The following SNX29 variants were observed in gnomAD, a reference collection of about 807,000 sequenced individuals.
SNX29 encodes the protein sorting nexin-29.
A neutral mutation model predicts 102.1 loss-of-function variants in SNX29; 78 were observed. That is an observed-to-expected ratio of 0.76 (90% CI 0.64 to 0.92). The LOEUF (loss-of-function observed/expected upper bound fraction) is 0.92. Ranked by LOEUF, SNX29 falls within the 40% of genes least tolerant of loss-of-function variation. The pLI is 0.00. For synonymous variants in SNX29, 580 were observed against 414.5 expected, an observed-to-expected ratio of 1.40 and a Z score of -4.85; for missense variants, 1,280 against 1,061.7, an observed-to-expected ratio of 1.21 and a Z score of -2.86.
At chr16:12,191,246 G>A (rs830708) in intron 13 of SNX29, among the ~76,000 whole-genome samples, 85,881 of 151,948 alleles carry the variant, frequency 0.57, 28,985 homozygotes, top group Non-Finnish European at 0.73. Flanking sequence ...CTTGCTCACC[G>A]CTCACTCACC....
chr16:12,467,650 TCATTC>T (rs1290617676), intron 18 of SNX29, among the ~76,000 whole-genome samples: 1 of 119,992 alleles, frequency 8.3e-6, no homozygotes, highest in Non-Finnish European at 1.7e-5. Context: ...ATTCATTCAT[TCATTC>T]CATTCACTCA....
chr16:12,371,335 G>A (rs1164359129), intron 16 of SNX29, among the ~76,000 whole-genome samples: 1 of 150,286 alleles, frequency 6.7e-6, no homozygotes, highest in African/African-American at 2.5e-5. Context: ...GTCTTTCTCT[G>A]TCCCTCAGGC....
chr16:12,315,296 G>C (rs2080696006), intron 15 of SNX29, among the ~76,000 whole-genome samples: 1 of 152,152 alleles, frequency 6.6e-6, no homozygotes, highest in South Asian at 2.1e-4. Context: ...CCAGGGATGA[G>C]TATTTTTCTT....
intron 11 of SNX29, chr16:12,087,953 T>A (rs1263803015): frequency 1.3e-5 from 6 of 456,668 alleles, no homozygotes; most frequent in Non-Finnish European, 2.6e-5. Flanking sequence ...GGAGGACCTG[T>A]TGGGCAGTGG....
chr16:12,062,377 AAAAT>A (rs34207508), intron 9 of SNX29, among the ~76,000 whole-genome samples: 2,284 of 137,682 alleles, frequency 0.017, 45 homozygotes, highest in African/African-American at 0.048. Flanking sequence ...ACTCTGTCTC[AAAAT>A]AAATAAATAA....
chr16:12,453,221 G>T (rs1437169818), intron 18 of SNX29, among the ~76,000 whole-genome samples: 1 of 152,206 alleles, frequency 6.6e-6, no homozygotes, highest in Non-Finnish European at 1.5e-5. Flanking sequence ...ACCTGTCCAT[G>T]GCAGACGTGG....
intron 16 of SNX29, among the ~76,000 whole-genome samples, chr16:12,392,299 G>A (rs2083558575): frequency 6.6e-6 from 1 of 152,082 alleles, no homozygotes; most frequent in African/African-American, 2.4e-5. Context: ...AAGTGGTATT[G>A]CAACAAATGT....
chr16:12,097,397 G>A (rs1343471679), intron 11 of SNX29, among the ~76,000 whole-genome samples: 1 of 152,212 alleles, frequency 6.6e-6, no homozygotes, highest in Non-Finnish European at 1.5e-5. Flanking sequence ...TTTTGAAGGG[G>A]CTGTATTTCA....
chr16:12,087,041 T>G (rs934949249), intron 11 of SNX29: 1 of 152,044 alleles, frequency 6.6e-6, no homozygotes. Flanking sequence ...TCATAACACT[T>G]AAAACTGATA....
chr16:12,546,975 C>T (rs1010941902), intron 20 of SNX29, among the ~76,000 whole-genome samples: 4 of 152,182 alleles, frequency 2.6e-5, no homozygotes, highest in African/African-American at 7.2e-5. Context: ...CCCATTCCTC[C>T]AATTAGTACT....
chr16:12,537,760 G>GGTTT (rs1346797910), intron 20 of SNX29, among the ~76,000 whole-genome samples: 2 of 151,984 alleles, frequency 1.3e-5, no homozygotes, highest in Admixed American at 6.6e-5. Flanking sequence ...TCCTATGTGG[G>GGTTT]GTTTGTTTAA....
intron 14 of SNX29, among the ~76,000 whole-genome samples, chr16:12,228,217 C>T (rs1342014659): frequency 3.9e-5 from 6 of 152,370 alleles, no homozygotes; most frequent in East Asian, 1.9e-4. Flanking sequence ...GAAATGTTCT[C>T]GGTCTCTGTA....
chr16:12,277,712 C>T (rs186491852), intron 14 of SNX29, among the ~76,000 whole-genome samples: 12 of 152,140 alleles, frequency 7.9e-5, no homozygotes, highest in African/African-American at 2.7e-4. Flanking sequence ...GCAGCTGACA[C>T]TACAGGCGCA....
chr16:12,062,133 C>G (rs2050801327), intron 9 of SNX29, among the ~76,000 whole-genome samples: 1 of 152,070 alleles, frequency 6.6e-6, no homozygotes, highest in Non-Finnish European at 1.5e-5. Context: ...AATCCCAGCA[C>G]TTTGTGAAGC....
chr16:12,326,287 T>G (rs1015730360), intron 15 of SNX29, among the ~76,000 whole-genome samples: 3 of 151,790 alleles, frequency 2.0e-5, no homozygotes, highest in Admixed American at 6.5e-5. Context: ...GTGCTGGTAT[T>G]ACAGGTGTGA....
At chr16:12,432,140 A>G (rs930714697) in intron 18 of SNX29, among the ~76,000 whole-genome samples, 1 of 152,240 alleles carries the variant, frequency 6.6e-6, no homozygotes, top group Non-Finnish European at 1.5e-5. Flanking sequence ...ATCTTGGGTC[A>G]TTGGGAAGGC....
intron 11 of SNX29, among the ~76,000 whole-genome samples, chr16:12,122,553 A>T (rs2054021458): frequency 6.6e-6 from 1 of 152,232 alleles, no homozygotes; most frequent in Non-Finnish European, 1.5e-5. Flanking sequence ...ACTGGGAAAC[A>T]GCCTGTGCCA....
intron 14 of SNX29, among the ~76,000 whole-genome samples, chr16:12,267,445 T>A (rs1414102662): frequency 6.6e-6 from 1 of 152,186 alleles, no homozygotes; most frequent in African/African-American, 2.4e-5. Context: ...CATGCCGTGG[T>A]GTTTGAATTC....
At chr16:12,353,219 G>T (rs2082038100) in intron 15 of SNX29, among the ~76,000 whole-genome samples, 1 of 152,194 alleles carries the variant, frequency 6.6e-6, no homozygotes, top group Admixed American at 6.5e-5. Context: ...TGGTGCTCTT[G>T]CTTCGGGGCA....
Sources: gnomAD v4.1 joint callset for allele counts (sites outside exome capture counted in the v4.1 genomes callset) on GRCh38, gnomAD v4.1.1 for gene constraint, MANE v1.5 for transcripts, NCBI Gene and HGNC (gene_info 2026-07-23, HGNC 2026-07-21) for gene names.